The following ARNT variants were observed in gnomAD, a reference collection of about 807,000 sequenced individuals.
The protein encoded by ARNT is class E basic helix-loop-helix protein 2.
In ARNT, 30 loss-of-function variants were observed where a neutral mutation model predicts 105.0. That is an observed-to-expected ratio of 0.29 (90% confidence interval 0.21 to 0.39). The LOEUF is 0.39. Among genes scored for constraint, ARNT ranks in the 10% least tolerant of loss-of-function variants. The pLI is 1.00. For synonymous variants in ARNT, 304 were observed against 344.0 expected (o/e 0.88, Z 1.29); for missense variants, 748 against 978.7 (o/e 0.76, Z 3.15).
At chr1:150,845,816 C>A (rs372272870) in intron 4 of ARNT, among the ~76,000 whole-genome samples, 2 of 151,522 alleles carry the variant, frequency 1.3e-5, no homozygotes, top group Non-Finnish European at 2.9e-5. Flanking sequence ...GCAGGAGAAT[C>A]GCTTGAACCC....
chr1:150,854,228 G>T (rs1476913247), intron 2 of ARNT, among the ~76,000 whole-genome samples: 1 of 152,060 alleles, frequency 6.6e-6, no homozygotes, highest in Non-Finnish European at 1.5e-5. Flanking sequence ...TGGAACTATA[G>T]GAGCCCACCA....
chr1:150,846,357 A>G (rs1280637131), intron 3 of ARNT, 50 bp from the exon 4 acceptor site: 1 of 1,575,740 alleles, frequency 6.3e-7, no homozygotes. Context: ...TGTTATATCT[A>G]TTTCACTCTG....
At chr1:150,829,249 T>G in intron 11 of ARNT, 22 bp from the exon 12 acceptor site, 1 of 1,607,302 alleles carries the variant, frequency 6.2e-7, no homozygotes. Flanking sequence ...GAGATAAAAA[T>G]GAGGTAAAAT....
rs931384568 is a variant in ARNT, at chr1:150,853,009, G to A, written c.138-203C>T. ...GAAGTACAAAACTGGGGCCAGGAGT[G>A]GTGGCTCACGCCTGTAATCCCAGCA... On this transcript the variant is annotated intron_variant, in intron 2 of 21. Transcript: ENST00000358595. 4 of 594,062 alleles carry A rather than the reference G, an allele frequency of 6.7e-6. No homozygotes were observed. In the South Asian group the frequency reaches 8.2e-5, roughly 12 times the overall value. The allele number at this position is 594,062 out of a possible 1,614,324, so 36.8% of individuals were successfully genotyped here. A position where few individuals can be genotyped will look rare whatever the true frequency, so the allele number is the denominator to read the frequency against.
chr1:150,856,833 G>A (rs1238160051), intron 2 of ARNT, among the ~76,000 whole-genome samples: 1 of 151,154 alleles, frequency 6.6e-6, no homozygotes, highest in Non-Finnish European at 1.5e-5. Flanking sequence ...AGTGGCTCAC[G>A]CCTGTAATCC....
At chr1:150,863,744 G>A (rs1666066751) in intron 1 of ARNT, among the ~76,000 whole-genome samples, 1 of 151,830 alleles carries the variant, frequency 6.6e-6, no homozygotes, top group Non-Finnish European at 1.5e-5. Context: ...TTGAACCCAG[G>A]AGGCAGAGGT....
chr1:150,829,680 A>G, intron 11 of ARNT: 1 of 592,576 alleles, frequency 1.7e-6, no homozygotes, highest in Non-Finnish European at 3.0e-6. Context: ...TAGTAAAGCT[A>G]AAATTAAGAC....
intron 2 of ARNT, among the ~76,000 whole-genome samples, chr1:150,853,637 G>A (rs1466313203): frequency 1.3e-5 from 2 of 152,182 alleles, no homozygotes; most frequent in Non-Finnish European, 2.9e-5. Context: ...CACTGTGCTA[G>A]GTGAGGTAAA....
intron 2 of ARNT, chr1:150,853,320 G>C (rs181033619): frequency 3.0e-6 from 1 of 332,876 alleles, no homozygotes; most frequent in Admixed American, 4.1e-5. Context: ...AGAAACAAAA[G>C]TACCTTCTGC....
At chr1:150,856,110 GTTCT>G (rs979033157) in intron 2 of ARNT, among the ~76,000 whole-genome samples, 4 of 152,184 alleles carry the variant, frequency 2.6e-5, no homozygotes, top group East Asian at 1.9e-4. Flanking sequence ...CCTTTTTATT[GTTCT>G]TTCTAACTTT....
intron 3 of ARNT, among the ~76,000 whole-genome samples, chr1:150,847,293 T>C (rs1311193058): frequency 2.6e-5 from 4 of 151,972 alleles, no homozygotes; most frequent in African/African-American, 4.8e-5. Context: ...TAGCTGGGTG[T>C]GGTGGCACGT....
At chr1:150,820,639 A>G (rs1329576119) in intron 14 of ARNT, among the ~76,000 whole-genome samples, 2 of 152,002 alleles carry the variant, frequency 1.3e-5, no homozygotes, top group Non-Finnish European at 2.9e-5. Flanking sequence ...CCTGGGTGCC[A>G]GAGCGAGACC....
Position 150,834,580 on chromosome 1 carries a change from C to G in ARNT, c.761G>C (p.Arg254Thr), listed in dbSNP as rs1659939679. Residue 254 changes from arginine (R) to threonine (T), a missense_variant, in exon 8 of 22, where the codon AGA becomes ACA. Arg to Thr is a moderately conservative substitution (Grantham distance 71). Around this residue, in one of 4 missense-constraint regions of ARNT, gnomAD observed 291 missense variants for 444.6 expected, o/e 0.65. Coordinates refer to ENST00000358595, the MANE Select transcript of ARNT (RefSeq NM_001668.4). The part of the protein sequence containing the change: ...VKKEGQQSSM[R>T]MCMGSRRSFI... ...CGATCTCCTTGAGCCCATACACATT[C>G]TCATGGAAGACTGCTGACCTTCCTT... is the stretch of plus-strand genomic sequence containing the variant. 1 of 1,614,090 alleles carries G rather than the reference C, an allele frequency of 6.2e-7. No homozygotes were observed. Among genetic ancestry groups the G allele is most frequent in the South Asian group, 1.1e-5 (1 of 91,086 alleles).
intron 14 of ARNT, among the ~76,000 whole-genome samples, chr1:150,820,932 A>G (rs1378295525): frequency 1.3e-5 from 2 of 152,226 alleles, no homozygotes; most frequent in Non-Finnish European, 2.9e-5. Flanking sequence ...ATTCGACTGT[A>G]AACTTCTGAC....
intron 1 of ARNT, among the ~76,000 whole-genome samples, chr1:150,862,858 C>G (rs1463670452): frequency 6.6e-6 from 1 of 151,900 alleles, no homozygotes; most frequent in Non-Finnish European, 1.5e-5. Flanking sequence ...CGAGACCAGC[C>G]TGGCCAATAT....
At chr1:150,863,857 G>C (rs995237941) in intron 1 of ARNT, among the ~76,000 whole-genome samples, 6 of 151,850 alleles carry the variant, frequency 4.0e-5, no homozygotes, top group African/African-American at 1.4e-4. Flanking sequence ...ATTCCACATA[G>C]ATAAAAGTAC....
In ARNT at chr1:150,811,479, T is replaced by C. The variant is rs61817635; in HGVS notation, c.*542A>G. 8.4e-4 allele frequency: 110 copies of C among 131,686 alleles called. No individual in the cohort carries two copies. Among genetic ancestry groups the C allele is most frequent in the South Asian group, 2.2e-3 (6 of 2,764 alleles). 8.2% of individuals were successfully genotyped at this position (131,686 alleles called of 1,614,324 possible). A position where few individuals can be genotyped will look rare whatever the true frequency, so the allele number is the denominator to read the frequency against. On this transcript the variant is annotated 3_prime_UTR_variant, in exon 22 of 22. Coordinates refer to ENST00000358595, the MANE Select transcript of ARNT (RefSeq NM_001668.4). ...GTGCGCACACACACACACACACACATACACACACACTCTCTCTCACTTACT... is the reference window on the plus strand; with the variant it reads ...GTGCGCACACACACACACACACACACACACACACACTCTCTCTCACTTACT...
chr1:150,849,253 CCACA>C (rs1477890700), intron 3 of ARNT, among the ~76,000 whole-genome samples: 1 of 151,768 alleles, frequency 6.6e-6, no homozygotes, highest in Non-Finnish European at 1.5e-5. Flanking sequence ...ATCTGGGCAC[CCACA>C]CAATCAAATC....
At chr1:150,829,652 G>C in intron 11 of ARNT, 1 of 561,648 alleles carries the variant, frequency 1.8e-6, no homozygotes. Flanking sequence ...AAATTAACTG[G>C]AAATAGAAAA....
Sources: gnomAD v4.1 joint callset for allele counts (sites outside exome capture counted in the v4.1 genomes callset) on GRCh38, gnomAD v4.1.1 for gene constraint, gnomAD v4.1.1 regional missense constraint, MANE v1.5 for transcripts, NCBI Gene and HGNC (gene_info 2026-07-23, HGNC 2026-07-21) for gene names.